The following TNRC6B variants were observed in gnomAD, a reference collection of about 807,000 sequenced individuals.
TNRC6B encodes the protein trinucleotide repeat-containing gene 6B protein.
TNRC6B carries 52 observed loss-of-function variants against 203.6 expected under a neutral mutation model. The observed-to-expected ratio is 0.26, with a 90% CI of 0.20 to 0.32. The LOEUF is 0.32. Ranked by LOEUF, TNRC6B falls within the 10% of genes least tolerant of loss-of-function variation. The pLI, the probability that TNRC6B is intolerant of heterozygous loss-of-function variation, is 1.00. For missense variants in TNRC6B, 1,923 were observed against 2,286.2 expected, an observed-to-expected ratio of 0.84 and a Z score of 3.24; for synonymous variants, 838 against 845.7, an observed-to-expected ratio of 0.99 and a Z score of 0.16.
At chr22:40,318,055 C>A (rs1164244767) in intron 21 of TNRC6B, among the ~76,000 whole-genome samples, 6 of 152,040 alleles carry the variant, frequency 3.9e-5, no homozygotes, top group Non-Finnish European at 8.8e-5. Context: ...ACTTCTTAGG[C>A]CTTTTAATAC....
At chr22:40,295,166 A>G (rs754161691) in intron 12 of TNRC6B, among the ~76,000 whole-genome samples, 1 of 152,188 alleles carries the variant, frequency 6.6e-6, no homozygotes, top group Admixed American at 6.5e-5. Context: ...AAATGTTTAT[A>G]GACTAGAAGA....
chr22:40,141,283 G>T (rs2068642567), intron 3 of TNRC6B, among the ~76,000 whole-genome samples: 1 of 131,920 alleles, frequency 7.6e-6, no homozygotes, highest in Non-Finnish European at 1.5e-5. Flanking sequence ...TCAACTCACT[G>T]CAACCTCCAC....
At chr22:40,056,363 T>C (rs1276587339) in intron 1 of TNRC6B, among the ~76,000 whole-genome samples, 2 of 152,196 alleles carry the variant, frequency 1.3e-5, no homozygotes, top group Non-Finnish European at 2.9e-5. Context: ...TTGATCTACA[T>C]AACAAAGGGC....
chr22:40,266,876 A>C lies in TNRC6B; in HGVS notation c.2646A>C (p.Ser882=), dbSNP rs531016657. ...GTTGGGAAGAGCCATCCCCACAGTCAATTAGTCGGAAAATGGACATTGATG... is the reference window on the plus strand; with the variant it reads ...GTTGGGAAGAGCCATCCCCACAGTCCATTAGTCGGAAAATGGACATTGATG... The part of the protein sequence containing the change: ...PSGWEEPSPQ[S]ISRKMDIDDG... The change falls in exon 5 of 23, where the codon TCA becomes TCC. Residue 882 remains serine, a synonymous_variant. Coordinates refer to ENST00000454349, the MANE Select transcript of TNRC6B (RefSeq NM_001162501.2). The C allele has an allele frequency of 1.1e-5, 18 of 1,613,886 alleles. No homozygotes were observed. The highest frequency in any genetic ancestry group is 3.3e-4 in the Middle Eastern group (2 of 6,084).
rs61374373 is a variant in TNRC6B at position 40,222,728 on chromosome 22, C to CTTTTTTTTTTTTTTTTTT, written c.6-23271_6-23254dup. Among the ~76,000 whole-genome samples the CTTTTTTTTTTTTTTTTTT allele has an allele frequency of 1.1e-3, 45 of 40,214 alleles. 7 individuals carry two copies. Among genetic ancestry groups the CTTTTTTTTTTTTTTTTTT allele is most frequent in the East Asian group, 2.8e-3 (3 of 1,068 alleles). 26.4% of individuals were successfully genotyped at this position (40,214 alleles called of 152,430 possible). A position where few individuals can be genotyped will look rare whatever the true frequency, so the allele number is the denominator to read the frequency against. On this transcript the variant is annotated intron_variant, in intron 1 of 22. Transcript: ENST00000454349. ...ATCTTGCTGTATTCTCTCTCTCTCT[C>CTTTTTTTTTTTTTTTTTT]TTTTTTTTTTTTTTTTTTTTTTTTT...
intron 1 of TNRC6B, among the ~76,000 whole-genome samples, chr22:40,068,121 C>T (rs1361350079): frequency 6.6e-6 from 1 of 152,084 alleles, no homozygotes; most frequent in African/African-American, 2.4e-5. Context: ...AACCTCATCC[C>T]ACCCCCAATT....
intron 1 of TNRC6B, among the ~76,000 whole-genome samples, chr22:40,197,581 C>G (rs1285865717): frequency 2.0e-5 from 3 of 151,294 alleles, no homozygotes; most frequent in African/African-American, 7.3e-5. Flanking sequence ...GCCACCGCAC[C>G]CAGCCGAAAG....
At position 40,143,504 on chromosome 22, in the gene TNRC6B, G is replaced by T. The variant is rs75918954; in HGVS notation, c.46-12611G>T. ...ACATTTGCAATACATCTTTTTTTGT[G>T]GGGGGGATAGAGTCTCGCTCTGTCA... On this transcript the variant is annotated intron_variant, in intron 3 of 23. Transcript: ENST00000301923. Among the ~76,000 whole-genome samples the T allele has an allele frequency of 9.9e-3, 1,507 of 151,524 alleles. 10 individuals carry two copies. Among genetic ancestry groups the T allele is most frequent in the Non-Finnish European group, 0.014 (964 of 67,824 alleles).
At chr22:40,112,160 G>A (rs901249368) in intron 1 of TNRC6B, among the ~76,000 whole-genome samples, 9 of 152,252 alleles carry the variant, frequency 5.9e-5, no homozygotes, top group South Asian at 4.1e-4. Context: ...TGTGGACTCC[G>A]GAGGAGGAAT....
chr22:40,078,597 A>AT (rs373049648), intron 1 of TNRC6B, among the ~76,000 whole-genome samples: 1 of 151,822 alleles, frequency 6.6e-6, no homozygotes, highest in African/African-American at 2.4e-5. Context: ...TTATTTATTT[A>AT]TTTATTTTTT....
intron 4 of TNRC6B, among the ~76,000 whole-genome samples, chr22:40,172,081 T>C (rs1255807976): frequency 6.6e-6 from 1 of 152,098 alleles, no homozygotes; most frequent in Non-Finnish European, 1.5e-5. Flanking sequence ...GGTTTCACCA[T>C]GTTGGCCAGG....
chr22:40,134,127 A>C (rs1037974296), intron 3 of TNRC6B, among the ~76,000 whole-genome samples: 4 of 152,144 alleles, frequency 2.6e-5, no homozygotes, highest in Non-Finnish European at 4.4e-5. Context: ...TAATTGCAAA[A>C]AGTTTAGTAA....
chr22:40,059,608 G>A (rs894423293), intron 1 of TNRC6B, among the ~76,000 whole-genome samples: 1 of 152,014 alleles, frequency 6.6e-6, no homozygotes, highest in Admixed American at 6.6e-5. Context: ...CACTTTATCA[G>A]GTTCCAGAAT....
At chr22:40,164,298 G>A (rs1569004003) in intron 4 of TNRC6B, among the ~76,000 whole-genome samples, 1 of 148,406 alleles carries the variant, frequency 6.7e-6, no homozygotes, top group Non-Finnish European at 1.5e-5. Flanking sequence ...TGAGGCAGGA[G>A]AATCACTTGA....
At chr22:40,069,270 T>C (rs1006918162) in intron 1 of TNRC6B, among the ~76,000 whole-genome samples, 5 of 151,748 alleles carry the variant, frequency 3.3e-5, no homozygotes, top group Admixed American at 6.6e-5. Flanking sequence ...TTGACTGATA[T>C]AAAATTTTTT....
chr22:40,176,426 C>T (rs1399637776), upstream of TNRC6B, among the ~76,000 whole-genome samples: 1 of 152,016 alleles, frequency 6.6e-6, no homozygotes, highest in Non-Finnish European at 1.5e-5. Context: ...CGCACCCGGC[C>T]TCATGCGCTT....
intron 1 of TNRC6B, among the ~76,000 whole-genome samples, chr22:40,081,052 C>T (rs1049004213): frequency 6.6e-6 from 1 of 151,656 alleles, no homozygotes; most frequent in Non-Finnish European, 1.5e-5. Flanking sequence ...TGGGGGGGTG[C>T]GTTTCACCAT....
intron 1 of TNRC6B, among the ~76,000 whole-genome samples, chr22:40,245,801 A>G (rs1197842331): frequency 6.6e-6 from 1 of 152,146 alleles, no homozygotes; most frequent in Non-Finnish European, 1.5e-5. Flanking sequence ...AACGAAACTT[A>G]ATGTCATGTT....
chr22:40,173,096 A>G (rs1238549367), upstream of TNRC6B, among the ~76,000 whole-genome samples: 1 of 152,082 alleles, frequency 6.6e-6, no homozygotes, highest in Non-Finnish European at 1.5e-5. Context: ...GTGTTTTAAA[A>G]CAAAATATAG....
Sources: gnomAD v4.1 joint callset for allele counts (sites outside exome capture counted in the v4.1 genomes callset) on GRCh38, gnomAD v4.1.1 for gene constraint, MANE v1.5 for transcripts, NCBI Gene and HGNC (gene_info 2026-07-23, HGNC 2026-07-21) for gene names.